LARGE1: variants seen among roughly 807,000 people sequenced by gnomAD.
The protein encoded by LARGE1 is LARGE xylosyl- and glucuronyltransferase 1.
LARGE1 carries 43 observed loss-of-function variants against 87.6 expected under a neutral mutation model. That is an observed-to-expected ratio of 0.49 (90% CI 0.38 to 0.63). LARGE1 has a LOEUF of 0.63. Among genes scored for constraint, LARGE1 ranks in the 30% least tolerant of loss-of-function variants. LARGE1 has a pLI of 0.00. For synonymous variants in LARGE1, 434 were observed against 394.6 expected (o/e 1.10, Z -1.18); for missense variants, 802 against 1,000.2 (o/e 0.80, Z 2.67).
Position 33,170,167 on chromosome 22 carries a change from T to TG in LARGE1, c.1731-3336_1731-3335insC, listed in dbSNP as rs1271129772. Among the ~76,000 whole-genome samples, 17 of 152,004 alleles carry TG rather than the reference T, an allele frequency of 1.1e-4. No homozygotes were observed. In the East Asian group the frequency reaches 3.3e-3, roughly 30 times the overall value. The stretch of plus-strand genomic sequence containing the variant: ...GAGGATCACTTGAGGTCAGGAGTTC[T>TG]AGACCAGCCTGGCCAACATGATGAA... On this transcript the variant is annotated intron_variant, in intron 11 of 11. Transcript: ENST00000608642.
Position 33,920,179 on chromosome 22 carries a change from G to C in LARGE1, c.-267C>G, listed in dbSNP as rs1435752090. On this transcript the variant is annotated 5_prime_UTR_variant, in exon 1 of 15. Transcript: ENST00000397394. ...GCTCCAAATGCCGCGGCGAGGGTCC[G>C]GGTCCCCCAAGCTGAGCACTGTCCC... 3 of 152,456 alleles carry C rather than the reference G, an allele frequency of 2.0e-5. No homozygotes were observed. The highest frequency in any genetic ancestry group is 7.2e-5 in the African/African-American group (3 of 41,408). The allele number at this position is 152,456 out of a possible 1,614,324, so 9.4% of individuals were successfully genotyped here.
chr22:33,341,099 G>A (rs1380502927), intron 9 of LARGE1, among the ~76,000 whole-genome samples: 1 of 152,058 alleles, frequency 6.6e-6, no homozygotes, highest in Non-Finnish European at 1.5e-5. Context: ...AATCGCCAAG[G>A]TGATGACATT....
At chr22:33,791,254 G>A (rs2085814510) in intron 1 of LARGE1, among the ~76,000 whole-genome samples, 1 of 152,146 alleles carries the variant, frequency 6.6e-6, no homozygotes, top group Non-Finnish European at 1.5e-5. Flanking sequence ...GAGCATGTCT[G>A]CGTAGTATCC....
At chr22:33,313,995 G>A (rs1222175878) in intron 11 of LARGE1, among the ~76,000 whole-genome samples, 6 of 152,240 alleles carry the variant, frequency 3.9e-5, no homozygotes, top group African/African-American at 9.6e-5. Flanking sequence ...TGAAGACAGG[G>A]ATAGGTCTTT....
rs530584221 is a variant in LARGE1 at position 33,615,499 on chromosome 22, A to T, written c.491+10745T>A. On this transcript the variant is annotated intron_variant, in intron 4 of 14. Transcript: ENST00000397394. ...AGATTTCACTGAAATAATTTTTAAAAAACCCTTTCTCTTTTTCTGCTGTCT... is the reference window on the plus strand; with the variant it reads ...AGATTTCACTGAAATAATTTTTAAATAACCCTTTCTCTTTTTCTGCTGTCT... 6.6e-5 allele frequency among the ~76,000 whole-genome samples: 10 copies of T among 151,706 alleles called. No homozygotes were observed. In the South Asian group the frequency reaches 2.1e-3, roughly 32 times the overall value.
the LARGE1 span, among the ~76,000 whole-genome samples, chr22:33,088,147 G>T: frequency 6.6e-6 from 1 of 151,980 alleles, no homozygotes; most frequent in East Asian, 1.9e-4. Context: ...AAATATAGTT[G>T]CATCGTACTC....
chr22:33,844,657 G>A (rs1719807949), intron 1 of LARGE1, among the ~76,000 whole-genome samples: 1 of 151,860 alleles, frequency 6.6e-6, no homozygotes, highest in Non-Finnish European at 1.5e-5. Flanking sequence ...GCGAACTTGG[G>A]TATATCACCT....
the LARGE1 span, among the ~76,000 whole-genome samples, chr22:33,099,461 A>G: frequency 4.5e-4 from 69 of 152,248 alleles, no homozygotes; most frequent in Non-Finnish European, 8.1e-4. Context: ...CCATGTGGGC[A>G]GGCTGGTCTC....
At chr22:33,351,743 G>C (rs761931003) in intron 9 of LARGE1, among the ~76,000 whole-genome samples, 25 of 130,696 alleles carry the variant, frequency 1.9e-4, no homozygotes, top group Non-Finnish European at 5.0e-5. Flanking sequence ...GTATCAAAGG[G>C]AAAATTAGAA....
chr22:33,899,434 C>CT (rs2065228193), intron 1 of LARGE1, among the ~76,000 whole-genome samples: 1 of 152,086 alleles, frequency 6.6e-6, no homozygotes, highest in South Asian at 2.1e-4. Context: ...ATGTAACAAA[C>CT]CAATAAATAC....
At chr22:33,870,172 C>G (rs1388290717) in intron 1 of LARGE1, among the ~76,000 whole-genome samples, 1 of 152,088 alleles carries the variant, frequency 6.6e-6, no homozygotes, top group East Asian at 1.9e-4. Context: ...AGAAAGAGCT[C>G]CAGTGATGAC....
intron 11 of LARGE1, among the ~76,000 whole-genome samples, chr22:33,261,998 G>A (rs968138384): frequency 2.6e-5 from 4 of 152,150 alleles, no homozygotes; most frequent in African/African-American, 7.2e-5. Flanking sequence ...AAAAAATAAC[G>A]GATAAAGAAA....
intron 2 of LARGE1, among the ~76,000 whole-genome samples, chr22:33,735,990 A>G (rs1357931467): frequency 6.6e-6 from 1 of 152,250 alleles, no homozygotes; most frequent in East Asian, 1.9e-4. Context: ...TAATAGCTGA[A>G]TAACATTCCA....
the LARGE1 span, among the ~76,000 whole-genome samples, chr22:33,129,293 G>A: frequency 6.6e-6 from 1 of 152,102 alleles, no homozygotes; most frequent in Non-Finnish European, 1.5e-5. Context: ...TCTTTGGGAT[G>A]AAGAATCAGG....
chr22:33,760,883 G>A (rs1390192299), intron 2 of LARGE1, among the ~76,000 whole-genome samples: 1 of 152,118 alleles, frequency 6.6e-6, no homozygotes, highest in East Asian at 1.9e-4. Flanking sequence ...TCGCGCCACT[G>A]CACTCCAGCC....
At chr22:33,501,535 A>T (rs2070436190) in intron 6 of LARGE1, among the ~76,000 whole-genome samples, 1 of 152,218 alleles carries the variant, frequency 6.6e-6, no homozygotes, top group East Asian at 1.9e-4. Context: ...GAAACTGCCC[A>T]CTGGCAGCCC....
intron 1 of LARGE1, among the ~76,000 whole-genome samples, chr22:33,783,552 G>A (rs1048776962): frequency 5.9e-5 from 9 of 152,110 alleles, no homozygotes; most frequent in Admixed American, 2.0e-4. Context: ...GCAACAGAGC[G>A]AAACTCCATC....
chr22:33,545,268 T>TC lies in LARGE1; in HGVS notation c.787+19579_787+19580insG, dbSNP rs1419854900. 4.1e-5 allele frequency among the ~76,000 whole-genome samples: 6 copies of TC among 144,880 alleles called. No individual in the cohort carries two copies. In the East Asian group the frequency reaches 1.2e-3, roughly 28 times the overall value. On this transcript the variant is annotated intron_variant, in intron 6 of 14. Coordinates refer to ENST00000397394, the MANE Select transcript of LARGE1 (RefSeq NM_133642.5). ...AACACCTATGTCTTTCCTTTTCTTT[T>TC]TTTTTTTTTTTTTTTAGAGACAGGG...
At chr22:33,676,371 GCAA>G (rs2081577242) in intron 2 of LARGE1, among the ~76,000 whole-genome samples, 1 of 17,530 alleles carries the variant, frequency 5.7e-5, no homozygotes, top group East Asian at 2.2e-3. Context: ...AGATTCAATG[GCAA>G]AAAAAAAAAA....
Sources: gnomAD v4.1 joint callset for allele counts (sites outside exome capture counted in the v4.1 genomes callset) on GRCh38, gnomAD v4.1.1 for gene constraint, MANE v1.5 for transcripts, NCBI Gene and HGNC (gene_info 2026-07-23, HGNC 2026-07-21) for gene names.